The following RP1 variants were observed in gnomAD, a reference collection of about 807,000 sequenced individuals.
The protein encoded by RP1 is oxygen-regulated protein 1.
A neutral mutation model predicts 14.8 loss-of-function variants in RP1; 16 were observed. The observed-to-expected ratio is 1.08, with a 90% CI of 0.73 to 1.65. RP1 has a LOEUF of 1.65. Among genes scored for constraint, RP1 ranks in the 40% most tolerant of loss-of-function variants. The pLI is 0.00. For missense variants in RP1, 2,631 were observed against 2,535.0 expected (o/e 1.04, Z -0.81); for synonymous variants, 876 against 883.6 (o/e 0.99, Z 0.15).
intron 1 of RP1, among the ~76,000 whole-genome samples, chr8:54,565,932 T>A (rs926867220): frequency 1.3e-5 from 2 of 152,170 alleles, no homozygotes; most frequent in African/African-American, 4.8e-5. Flanking sequence ...TCTCCCCAGC[T>A]CTGCGGGTGT....
Position 54,868,273 on chromosome 8 carries a change from G to A in RP1, c.4152-1570G>A, listed in dbSNP as rs939752179. ...ATTGGACTTACAGAAACAAAATGAC[G>A]CAGATGAAAATATTTAAGATGGTTT... On this transcript the variant is annotated intron_variant, in intron 28 of 28. Transcript: ENST00000637698. Among the ~76,000 whole-genome samples the A allele has an allele frequency of 5.3e-5, 8 of 152,140 alleles. No homozygotes were observed. The East Asian group carries it at 7.7e-4, about 15-fold the overall frequency.
intron 8 of RP1, among the ~76,000 whole-genome samples, chr8:54,675,387 TAGTC>T (rs1228744561): frequency 3.3e-5 from 5 of 152,254 alleles, no homozygotes; most frequent in African/African-American, 9.6e-5. Context: ...TACTCAGAGA[TAGTC>T]AGGAAGAAAT....
intron 22 of RP1, among the ~76,000 whole-genome samples, chr8:54,764,143 C>T (rs777335402): frequency 2.0e-5 from 3 of 152,180 alleles, no homozygotes; most frequent in Non-Finnish European, 4.4e-5. Context: ...CAATTGTGGG[C>T]CCCCTGCAGG....
At chr8:54,837,553 T>C (rs1455568052) in exon 25 of RP1, 10 of 1,231,562 alleles carry the variant, frequency 8.1e-6, no homozygotes, top group Non-Finnish European at 1.0e-5. Flanking sequence ...CTTGAAAATA[T>C]AGCCACATAT....
At chr8:54,674,619 C>T (rs1474642516) in intron 8 of RP1, among the ~76,000 whole-genome samples, 2 of 149,890 alleles carry the variant, frequency 1.3e-5, no homozygotes, top group Non-Finnish European at 3.0e-5. Context: ...AAGATTGTTA[C>T]ACAAATACAG....
chr8:54,844,590 CTG>C (rs1167359940), intron 25 of RP1, among the ~76,000 whole-genome samples: 1 of 151,902 alleles, frequency 6.6e-6, no homozygotes, highest in African/African-American at 2.4e-5. Flanking sequence ...ATGCTTGCCT[CTG>C]TGTGTGCGTA....
chr8:54,736,887 A>G (rs1808942461), intron 18 of RP1, among the ~76,000 whole-genome samples: 1 of 152,164 alleles, frequency 6.6e-6, no homozygotes, highest in South Asian at 2.1e-4. Context: ...CTAGGGGTTA[A>G]TGGGCACTCA....
chr8:54,689,165 A>G (rs1807645658), intron 12 of RP1, among the ~76,000 whole-genome samples: 1 of 152,074 alleles, frequency 6.6e-6, no homozygotes, highest in Non-Finnish European at 1.5e-5. Context: ...TTGATTTTGT[A>G]TCCTGAGACT....
intron 24 of RP1, among the ~76,000 whole-genome samples, chr8:54,833,490 A>G (rs1477138540): frequency 6.6e-6 from 1 of 151,974 alleles, no homozygotes; most frequent in African/African-American, 2.4e-5. Flanking sequence ...TACATGAAGA[A>G]TTGATTACAA....
rs541219564 is a variant in RP1 at position 54,605,106 on chromosome 8, C to T, written c.-12-15849C>T. Reference sequence around the variant, plus strand: ...CTTTTGAATGTGTTTGCTCTTGCTTCTCTAGTTCTTTTAATTGTGATGTTA... The same window carrying T: ...CTTTTGAATGTGTTTGCTCTTGCTTTTCTAGTTCTTTTAATTGTGATGTTA... On this transcript the variant is annotated intron_variant, in intron 1 of 22. Transcript: ENST00000636932. Among the ~76,000 whole-genome samples the T allele has an allele frequency of 2.6e-3, 392 of 152,052 alleles. 2 individuals are homozygous for T. The highest frequency in any genetic ancestry group is 9.1e-3 in the African/African-American group (379 of 41,498).
At chr8:54,715,655 C>T (rs1055342994) in intron 15 of RP1, among the ~76,000 whole-genome samples, 1 of 152,100 alleles carries the variant, frequency 6.6e-6, no homozygotes, top group Non-Finnish European at 1.5e-5. Context: ...TAGAAGTTTC[C>T]TAGAATGGTG....
At chr8:54,607,198 A>G (rs943868726) in intron 1 of RP1, among the ~76,000 whole-genome samples, 1 of 152,008 alleles carries the variant, frequency 6.6e-6, no homozygotes, top group Non-Finnish European at 1.5e-5. Flanking sequence ...GTGTTTGATA[A>G]TGGTGACAAA....
At chr8:54,777,341 A>T (rs1273584002) in intron 23 of RP1, among the ~76,000 whole-genome samples, 1 of 152,200 alleles carries the variant, frequency 6.6e-6, no homozygotes, top group East Asian at 1.9e-4. Context: ...ACTACATCAT[A>T]CAATAATCGG....
At chr8:54,831,683 T>C (rs1239032161) in intron 24 of RP1, among the ~76,000 whole-genome samples, 1 of 151,870 alleles carries the variant, frequency 6.6e-6, no homozygotes, top group Non-Finnish European at 1.5e-5. Flanking sequence ...TAAAATTTAA[T>C]AAAAGAAGAA....
intron 17 of RP1, chr8:54,726,515 T>C (rs1808658504): frequency 1.3e-6 from 2 of 1,505,614 alleles, no homozygotes; most frequent in Non-Finnish European, 1.8e-6. Flanking sequence ...TTGGTTTGTT[T>C]GCTGCATTAT....
chr8:54,710,336 A>C (rs1808266084), intron 15 of RP1, among the ~76,000 whole-genome samples: 1 of 152,212 alleles, frequency 6.6e-6, no homozygotes, highest in African/African-American at 2.4e-5. Flanking sequence ...CAGCAGGAGC[A>C]AACTCTGTGC....
At chr8:54,849,135 G>A (rs1411766334) in intron 25 of RP1, among the ~76,000 whole-genome samples, 1 of 152,040 alleles carries the variant, frequency 6.6e-6, no homozygotes, top group African/African-American at 2.4e-5. Flanking sequence ...CTTGGGTGTG[G>A]CAAGGCTGTC....
intron 21 of RP1, among the ~76,000 whole-genome samples, chr8:54,756,220 C>T (rs971019425): frequency 2.6e-5 from 4 of 152,174 alleles, no homozygotes; most frequent in African/African-American, 9.7e-5. Context: ...ACCTAAGCCC[C>T]TCCTTATTTC....
intron 12 of RP1, among the ~76,000 whole-genome samples, chr8:54,685,436 C>T (rs569902508): frequency 5.3e-5 from 8 of 152,160 alleles, no homozygotes; most frequent in African/African-American, 1.4e-4. Flanking sequence ...AGGAGCAGGT[C>T]GTTCAATTTC....
Sources: gnomAD v4.1 joint callset for allele counts (sites outside exome capture counted in the v4.1 genomes callset) on GRCh38, gnomAD v4.1.1 for gene constraint, MANE v1.5 for transcripts, NCBI Gene and HGNC (gene_info 2026-07-23, HGNC 2026-07-21) for gene names.